The following CAMTA1 variants were observed in gnomAD, a reference collection of about 807,000 sequenced individuals.
CAMTA1 encodes the protein calmodulin-binding transcription activator 1.
In CAMTA1, 27 loss-of-function variants were observed where a neutral mutation model predicts 170.9. The observed-to-expected ratio is 0.16, with a 90% CI of 0.12 to 0.22. CAMTA1 has a LOEUF of 0.22. Ranked by LOEUF, CAMTA1 falls within the 10% of genes least tolerant of loss-of-function variation. The probability of loss-of-function intolerance (pLI) is 1.00; values close to 1 mark genes in which losing one functional copy is unlikely to be tolerated. For synonymous variants in CAMTA1, 833 were observed against 891.5 expected, an observed-to-expected ratio of 0.93 and a Z score of 1.17; for missense variants, 1,619 against 2,217.2, an observed-to-expected ratio of 0.73 and a Z score of 5.42.
chr1:6,874,418 A>T (rs530178615), intron 3 of CAMTA1: 1 of 152,376 alleles, frequency 6.6e-6, no homozygotes, highest in East Asian at 1.9e-4. Flanking sequence ...CCACTAAAGG[A>T]TCCTGGTGAG....
At chr1:7,042,207 A>G (rs1232572613) in intron 3 of CAMTA1, among the ~76,000 whole-genome samples, 5 of 151,974 alleles carry the variant, frequency 3.3e-5, no homozygotes, top group Non-Finnish European at 7.4e-5. Context: ...CTGGGATTTT[A>G]TCTTTCCTTT....
chr1:7,766,405 G>C, intron 22 of CAMTA1, 54 bp from the exon 23 acceptor site: 4 of 1,582,444 alleles, frequency 2.5e-6, no homozygotes, highest in Middle Eastern at 3.3e-4. Context: ...CCTTTACTTG[G>C]TCACAATTCA....
chr1:7,348,560 C>A (rs1315900819), intron 5 of CAMTA1, among the ~76,000 whole-genome samples: 1 of 152,206 alleles, frequency 6.6e-6, no homozygotes, highest in Non-Finnish European at 1.5e-5. Context: ...CGGCCGCCTA[C>A]AAAGGCGACT....
chr1:7,009,580 C>T (rs956303525), intron 3 of CAMTA1, among the ~76,000 whole-genome samples: 2 of 152,232 alleles, frequency 1.3e-5, no homozygotes, highest in African/African-American at 4.8e-5. Flanking sequence ...AGGACCACCG[C>T]AGCCTCAGAA....
rs543610068 is a variant in CAMTA1 at position 7,498,172 on chromosome 1, ATGTG to A, written c.510+30277_510+30280del. On this transcript the variant is annotated intron_variant, in intron 6 of 22. Coordinates refer to ENST00000303635, the MANE Select transcript of CAMTA1 (RefSeq NM_015215.4). ...ACTGGAGATTTGTGAGTGTGTGTGC[ATGTG>A]TGTGTATGAGAGTGAGTGTGTGTGT... 4.3e-4 allele frequency among the ~76,000 whole-genome samples: 55 copies of A among 127,690 alleles called. No individual in the cohort carries two copies. The East Asian group carries it at 6.6e-3, about 15-fold the overall frequency. The allele number at this position is 127,690 out of a possible 152,430, so 83.8% of individuals were successfully genotyped here. A position where few individuals can be genotyped will look rare whatever the true frequency, so the allele number is the denominator to read the frequency against.
At chr1:7,008,156 C>T (rs61780920) in intron 3 of CAMTA1, among the ~76,000 whole-genome samples, 3,154 of 152,230 alleles carry the variant, frequency 0.021, 75 homozygotes, top group South Asian at 0.091. Flanking sequence ...CTCGGTTTTC[C>T]GTCTGGGCCT....
intron 3 of CAMTA1, among the ~76,000 whole-genome samples, chr1:6,850,930 C>G (rs1660135306): frequency 6.6e-6 from 1 of 152,192 alleles, no homozygotes. Context: ...TCCAGACCCT[C>G]TCAGTTCCTG....
intron 11 of CAMTA1, among the ~76,000 whole-genome samples, chr1:7,730,928 C>CTCTATATA (rs1478235304): frequency 8.8e-5 from 10 of 114,196 alleles, no homozygotes; most frequent in African/African-American, 3.2e-4. Flanking sequence ...CTCTCTCTCT[C>CTCTATATA]TATATATATA....
chr1:7,433,126 C>T (rs1173234582), intron 5 of CAMTA1, among the ~76,000 whole-genome samples: 5 of 152,262 alleles, frequency 3.3e-5, no homozygotes, highest in Admixed American at 3.3e-4. Flanking sequence ...AGGTTGCCTG[C>T]CTCCTGCTCA....
At chr1:6,900,417 T>G (rs1676675897) in intron 3 of CAMTA1, among the ~76,000 whole-genome samples, 1 of 151,510 alleles carries the variant, frequency 6.6e-6, no homozygotes, top group South Asian at 2.1e-4. Flanking sequence ...TTAAGTTTTT[T>G]TTTCTGGAAT....
At chr1:7,610,771 G>A (rs1308927018) in intron 6 of CAMTA1, among the ~76,000 whole-genome samples, 1 of 152,228 alleles carries the variant, frequency 6.6e-6, no homozygotes, top group African/African-American at 2.4e-5. Flanking sequence ...TGGCCTGGGA[G>A]CCCCTAAGGC....
intron 5 of CAMTA1, among the ~76,000 whole-genome samples, chr1:7,370,976 A>T (rs2086411638): frequency 8.2e-6 from 1 of 121,564 alleles, no homozygotes; most frequent in Non-Finnish European, 1.6e-5. Context: ...CAGTGGCGCG[A>T]TCTCGGCTCA....
chr1:6,993,482 A>G (rs186972270), intron 3 of CAMTA1, among the ~76,000 whole-genome samples: 8 of 152,184 alleles, frequency 5.3e-5, no homozygotes, highest in Admixed American at 2.0e-4. Context: ...AAAATCCCCA[A>G]TTGAGATAAT....
Position 7,033,347 on chromosome 1 carries a change from T to G in CAMTA1, c.235-57957T>G, listed in dbSNP as rs369913699. On this transcript the variant is annotated intron_variant, in intron 3 of 22. Transcript: ENST00000303635. The stretch of plus-strand genomic sequence containing the variant: ...TGCATCTTAGGTTTTCACTGCAGTT[T>G]GCATCTTTAGAAGTTTTACTTGGAT... Among the ~76,000 whole-genome samples, 17 of 152,292 alleles carry G rather than the reference T, an allele frequency of 1.1e-4. No individual in the cohort carries two copies. In the South Asian group the frequency reaches 3.5e-3, roughly 32 times the overall value.
At chr1:7,715,736 C>G (rs1030949049) in intron 11 of CAMTA1, among the ~76,000 whole-genome samples, 2 of 152,182 alleles carry the variant, frequency 1.3e-5, no homozygotes, top group Non-Finnish European at 2.9e-5. Flanking sequence ...GAGGATGACT[C>G]TGGTCTAGGG....
At chr1:7,226,413 G>T (rs1457897182) in intron 4 of CAMTA1, among the ~76,000 whole-genome samples, 1 of 152,122 alleles carries the variant, frequency 6.6e-6, no homozygotes, top group East Asian at 1.9e-4. Context: ...TGCTTGCTGA[G>T]TTCATGCTGT....
In CAMTA1 at chr1:7,534,265, G is replaced by A. The variant is rs2094524288; in HGVS notation, c.510+66364G>A. 6.6e-6 allele frequency among the ~76,000 whole-genome samples: 1 copy of A among 152,206 alleles called. No individual in the cohort carries two copies. The highest frequency in any genetic ancestry group is 2.4e-5 in the African/African-American group (1 of 41,448). On this transcript the variant is annotated intron_variant, in intron 6 of 22. Coordinates refer to ENST00000303635, the MANE Select transcript of CAMTA1 (RefSeq NM_015215.4). The surrounding 1 kb of genome is among the most constrained non-coding windows in gnomAD (Gnocchi z 5.6). ...CATCATAACGTTCAGCAGAGCCCAG[G>A]CTGGCTGGAGGCCGAGGCTGGGGGC...
intron 7 of CAMTA1, among the ~76,000 whole-genome samples, chr1:7,655,698 C>A (rs554599154): frequency 6.6e-5 from 10 of 151,984 alleles, no homozygotes; most frequent in Non-Finnish European, 1.3e-4. Context: ...TACACACACA[C>A]CTATACACAC....
chr1:7,439,732 G>A (rs2092462100), intron 5 of CAMTA1, among the ~76,000 whole-genome samples: 1 of 152,230 alleles, frequency 6.6e-6, no homozygotes, highest in Admixed American at 6.5e-5. Context: ...ACGGAAGTGT[G>A]CAGGCCTCTA....
Sources: allele counts gnomAD v4.1 joint callset (sites outside exome capture counted in the v4.1 genomes callset), GRCh38; gene constraint gnomAD v4.1.1; non-coding constraint Gnocchi (gnomAD v3.1); transcripts MANE v1.5; gene names NCBI Gene and HGNC (gene_info 2026-07-23, HGNC 2026-07-21).